Variants in RORB observed in about 807,000 individuals in gnomAD.
RORB encodes nuclear receptor ROR-beta.
In RORB, 6 loss-of-function variants were observed where a neutral mutation model predicts 59.1. That is an observed-to-expected ratio of 0.10 (90% CI 0.06 to 0.20). RORB has a LOEUF of 0.20. RORB is among the 10% of genes least tolerant of loss of function. The pLI, the probability that RORB is intolerant of heterozygous loss-of-function variation, is 1.00. For synonymous variants in RORB, 215 were observed against 204.5 expected, an observed-to-expected ratio of 1.05 and a Z score of -0.44; for missense variants, 320 against 560.5, an observed-to-expected ratio of 0.57 and a Z score of 4.33.
chr9:74,690,421 A>T lies in RORB; in HGVS notation c.*4803A>T, dbSNP rs1031010099. 1.3e-5 allele frequency: 2 copies of T among 152,086 alleles called. No homozygotes were observed. Among genetic ancestry groups the T allele is most frequent in the African/African-American group, 4.8e-5 (2 of 41,406 alleles). 9.4% of individuals were successfully genotyped at this position (152,086 alleles called of 1,614,324 possible). ...CAGGAAATGCCCTGTGGAAAAAGGGACATCCACGATTTACCTGAAACTGAA... is the reference window on the plus strand; with the variant it reads ...CAGGAAATGCCCTGTGGAAAAAGGGTCATCCACGATTTACCTGAAACTGAA... On this transcript the variant is annotated 3_prime_UTR_variant, in exon 10 of 10. Coordinates refer to ENST00000376896, the MANE Select transcript of RORB (RefSeq NM_006914.4).
intron 2 of RORB, among the ~76,000 whole-genome samples, chr9:74,632,400 A>G (rs1823634636): frequency 6.6e-6 from 1 of 152,192 alleles, no homozygotes; most frequent in Admixed American, 6.5e-5. Flanking sequence ...TACAGAACTT[A>G]AAAATTCTCT....
chr9:74,567,179 C>T (rs930490656), intron 1 of RORB, among the ~76,000 whole-genome samples: 15 of 152,030 alleles, frequency 9.9e-5, no homozygotes, highest in Non-Finnish European at 1.8e-4. Flanking sequence ...GCACACACCA[C>T]CACACCCGGC....
At chr9:74,595,831 C>T (rs188087235) in intron 1 of RORB, among the ~76,000 whole-genome samples, 18 of 152,192 alleles carry the variant, frequency 1.2e-4, no homozygotes, top group African/African-American at 4.1e-4. Context: ...TTTGGGGTCA[C>T]GTTTACTCTA....
At chr9:74,500,579 G>A (rs919048467) in intron 1 of RORB, among the ~76,000 whole-genome samples, 23 of 152,130 alleles carry the variant, frequency 1.5e-4, no homozygotes, top group Non-Finnish European at 8.8e-5. Flanking sequence ...GGTGGTCCTA[G>A]TTAGCGCCTG....
At chr9:74,565,856 C>T (rs996308098) in intron 1 of RORB, among the ~76,000 whole-genome samples, 1 of 152,142 alleles carries the variant, frequency 6.6e-6, no homozygotes, top group Non-Finnish European at 1.5e-5. Context: ...CCCTTCATGT[C>T]TCTTACATGA....
chr9:74,517,640 A>T (rs1353864627), intron 1 of RORB, among the ~76,000 whole-genome samples: 1 of 152,060 alleles, frequency 6.6e-6, no homozygotes, highest in Non-Finnish European at 1.5e-5. Flanking sequence ...GGGTAGCCCC[A>T]TACTCTATTG....
rs140685829 is a variant in RORB at position 74,513,873 on chromosome 9, A to G, written c.7+15890A>G. On this transcript the variant is annotated intron_variant, in intron 1 of 9. Coordinates refer to ENST00000376896, the MANE Select transcript of RORB (RefSeq NM_006914.4). ...ATGCTTCAAAAATTACATCCTTTGC[A>G]GTGTTATTGTATATACTATGTAATC... Among the ~76,000 whole-genome samples the G allele has an allele frequency of 4.6e-4, 70 of 152,216 alleles. No individual in the cohort carries two copies. In the East Asian group the frequency reaches 0.013, roughly 29 times the overall value.
At chr9:74,654,005 C>A (rs1301347735) in intron 4 of RORB, among the ~76,000 whole-genome samples, 1 of 152,080 alleles carries the variant, frequency 6.6e-6, no homozygotes, top group East Asian at 1.9e-4. Flanking sequence ...AGATGTAGCC[C>A]TTTTTCTTTC....
At chr9:74,676,594 C>T (rs1220129917) in intron 9 of RORB, among the ~76,000 whole-genome samples, 1 of 152,202 alleles carries the variant, frequency 6.6e-6, no homozygotes, top group African/African-American at 2.4e-5. Flanking sequence ...AATCATGGGC[C>T]ACACCACACC....
At chr9:74,657,459 A>G (rs1032530235) in intron 4 of RORB, among the ~76,000 whole-genome samples, 9 of 152,162 alleles carry the variant, frequency 5.9e-5, no homozygotes. Context: ...ATGTAATGTC[A>G]GAAATTACCT....
intron 2 of RORB, among the ~76,000 whole-genome samples, chr9:74,633,018 A>ACTCT (rs372511671): frequency 6.6e-6 from 1 of 151,096 alleles, no homozygotes; most frequent in Non-Finnish European, 1.5e-5. Flanking sequence ...GCCAGTTGGG[A>ACTCT]CTCTCTCTCT....
At chr9:74,556,268 A>G (rs901056314) in intron 1 of RORB, among the ~76,000 whole-genome samples, 2 of 152,184 alleles carry the variant, frequency 1.3e-5, no homozygotes, top group African/African-American at 4.8e-5. Context: ...TATTACTGAG[A>G]TACGTTATTG....
At chr9:74,521,234 T>C (rs1826081733) in intron 1 of RORB, among the ~76,000 whole-genome samples, 1 of 151,890 alleles carries the variant, frequency 6.6e-6, no homozygotes, top group African/African-American at 2.4e-5. Context: ...AGTCCAGCTG[T>C]AACAACAACA....
rs1407284294 is a variant in RORB, at chr9:74,691,650, T to G, written c.*6032T>G. On this transcript the variant is annotated 3_prime_UTR_variant, in exon 10 of 10. Transcript: ENST00000376896. ...CTGGAGACGGTGAGTACACTGATTT[T>G]TCTATGTCTCTGTTTAAGCATAAGA... 1 of 152,250 alleles carries G rather than the reference T, an allele frequency of 6.6e-6. No homozygotes were observed. Among genetic ancestry groups the G allele is most frequent in the Non-Finnish European group, 1.5e-5 (1 of 68,036 alleles). The allele number at this position is 152,250 out of a possible 1,614,324, so 9.4% of individuals were successfully genotyped here. A position where few individuals can be genotyped will look rare whatever the true frequency, so the allele number is the denominator to read the frequency against.
intron 5 of RORB, among the ~76,000 whole-genome samples, chr9:74,661,507 A>T (rs1824179312): frequency 6.6e-6 from 1 of 152,174 alleles, no homozygotes; most frequent in South Asian, 2.1e-4. Context: ...ATTAGAATTA[A>T]CACACATAGA....
chr9:74,632,187 G>T (rs878860559), intron 2 of RORB, among the ~76,000 whole-genome samples: 2 of 152,078 alleles, frequency 1.3e-5, no homozygotes, highest in African/African-American at 4.8e-5. Context: ...TTTAACTAGT[G>T]CACAAATATA....
intron 1 of RORB, among the ~76,000 whole-genome samples, chr9:74,607,586 A>G (rs1823166984): frequency 7.0e-6 from 1 of 143,386 alleles, no homozygotes; most frequent in Non-Finnish European, 1.6e-5. Context: ...TGTTTATACT[A>G]TATATATATT....
intron 1 of RORB, among the ~76,000 whole-genome samples, chr9:74,543,465 A>G (rs1488179991): frequency 6.6e-6 from 1 of 152,144 alleles, no homozygotes; most frequent in Non-Finnish European, 1.5e-5. Flanking sequence ...TCATTCAACA[A>G]AGATTTGTTG....
chr9:74,571,969 G>A (rs1202111207), intron 1 of RORB, among the ~76,000 whole-genome samples: 1 of 152,024 alleles, frequency 6.6e-6, no homozygotes, highest in Admixed American at 6.6e-5. Context: ...CCTGGTTTCT[G>A]CATAACATCA....
Sources: gnomAD v4.1 joint callset for allele counts (sites outside exome capture counted in the v4.1 genomes callset) on GRCh38, gnomAD v4.1.1 for gene constraint, MANE v1.5 for transcripts, NCBI Gene and HGNC (gene_info 2026-07-23, HGNC 2026-07-21) for gene names.